The following USP28 variants were observed in gnomAD, a reference collection of about 807,000 sequenced individuals.
The protein encoded by USP28 is ubiquitin specific peptidase 28.
USP28 carries 113 observed loss-of-function variants against 145.0 expected under a neutral mutation model. That is an observed-to-expected ratio of 0.78 (90% CI 0.67 to 0.91). The LOEUF is 0.91. USP28 is among the 40% of genes least tolerant of loss of function. The pLI, the probability that USP28 is intolerant of heterozygous loss-of-function variation, is 0.00. For synonymous variants in USP28, 447 were observed against 450.9 expected, an observed-to-expected ratio of 0.99 and a Z score of 0.11; for missense variants, 1,201 against 1,289.6, an observed-to-expected ratio of 0.93 and a Z score of 1.05.
intron 5 of USP28, among the ~76,000 whole-genome samples, chr11:113,838,287 A>G (rs1944806869): frequency 6.6e-6 from 1 of 152,202 alleles, no homozygotes; most frequent in African/African-American, 2.4e-5. Context: ...AAGAACTGAC[A>G]TGTTCCACAT....
chr11:113,822,151 G>A (rs1942699917), intron 12 of USP28, among the ~76,000 whole-genome samples: 1 of 152,062 alleles, frequency 6.6e-6, no homozygotes, highest in Non-Finnish European at 1.5e-5. Context: ...GGTCTCTTAT[G>A]TTGTTGTGAA....
chr11:113,832,149 G>A (rs945635932), intron 7 of USP28, among the ~76,000 whole-genome samples, 156 bp from the exon 8 acceptor site: 3 of 151,452 alleles, frequency 2.0e-5, no homozygotes, highest in African/African-American at 4.9e-5. Flanking sequence ...TCACTCTGTC[G>A]CCCAGACTGG....
At chr11:113,802,697 T>TA (rs1022421587) in intron 23 of USP28, among the ~76,000 whole-genome samples, 5 of 152,066 alleles carry the variant, frequency 3.3e-5, no homozygotes, top group African/African-American at 9.7e-5. Context: ...ACCTTTATTT[T>TA]AAAAAAATGG....
intron 1 of USP28, among the ~76,000 whole-genome samples, chr11:113,869,032 T>C (rs892510976): frequency 3.9e-5 from 6 of 152,004 alleles, no homozygotes; most frequent in Non-Finnish European, 7.4e-5. Flanking sequence ...CGGTGGCTCA[T>C]GCCTGTAATC....
intron 1 of USP28, among the ~76,000 whole-genome samples, chr11:113,858,662 C>T (rs949219464): frequency 6.6e-6 from 1 of 152,120 alleles, no homozygotes; most frequent in Non-Finnish European, 1.5e-5. Flanking sequence ...CAGGCTGGAG[C>T]GCAGCGGCGC....
intron 21 of USP28, 30 bp from the exon 23 acceptor site, chr11:113,803,907 A>G: frequency 6.3e-7 from 1 of 1,575,832 alleles, no homozygotes; most frequent in East Asian, 2.2e-5. Context: ...ATTAATAATC[A>G]TGATCATAAT....
At chr11:113,837,536 T>C (rs1331864265) in intron 5 of USP28, among the ~76,000 whole-genome samples, 1 of 152,232 alleles carries the variant, frequency 6.6e-6, no homozygotes, top group Non-Finnish European at 1.5e-5. Context: ...TCCAATTACC[T>C]GCAGGATATC....
chr11:113,803,460 T>C (rs1939408080), intron 22 of USP28, among the ~76,000 whole-genome samples, 179 bp from the exon 24 acceptor site: 1 of 152,178 alleles, frequency 6.6e-6, no homozygotes, highest in African/African-American at 2.4e-5. Flanking sequence ...AAAGCAAATA[T>C]GAAACTTCCC....
In USP28 at chr11:113,835,438, G is replaced by A. The variant is rs776857806; in HGVS notation, c.535-1103C>T. 223 of 440,898 alleles carry A rather than the reference G, an allele frequency of 5.1e-4. 1 individual carries two copies. The highest frequency in any genetic ancestry group is 2.0e-3 in the Middle Eastern group (6 of 2,940). 27.3% of individuals were successfully genotyped at this position (440,898 alleles called of 1,614,324 possible). A position where few individuals can be genotyped will look rare whatever the true frequency, so the allele number is the denominator to read the frequency against. ...ATGTCAACCAAAGAATCCAAGTGTC[G>A]GTACTGACTAGAGCCCACGTGCACC... On this transcript the variant is annotated intron_variant, in intron 5 of 24. Coordinates refer to ENST00000003302, the Ensembl canonical transcript of USP28.
intron 5 of USP28, among the ~76,000 whole-genome samples, chr11:113,838,322 C>T (rs1944811676): frequency 6.6e-6 from 1 of 152,206 alleles, no homozygotes; most frequent in Admixed American, 6.5e-5. Context: ...CTATTCTCAA[C>T]ACAGATGCCA....
chr11:113,806,612 G>C, intron 18 of USP28, 28 bp from the exon 20 acceptor site: 1 of 1,457,532 alleles, frequency 6.9e-7, no homozygotes, highest in Non-Finnish European at 9.3e-7. Context: ...AAAACACAGA[G>C]AGAAAGGAGA....
intron 1 of USP28, among the ~76,000 whole-genome samples, chr11:113,861,865 C>A (rs910979512): frequency 1.3e-4 from 20 of 152,168 alleles, no homozygotes; most frequent in African/African-American, 4.8e-4. Context: ...ATATCGAACA[C>A]ATCTCCAAAA....
chr11:113,802,632 A>C (rs1036849933), intron 23 of USP28, among the ~76,000 whole-genome samples: 1 of 152,224 alleles, frequency 6.6e-6, no homozygotes, highest in African/African-American at 2.4e-5. Context: ...GTTAGTCTTC[A>C]CTAGTATGTG....
intron 1 of USP28, among the ~76,000 whole-genome samples, chr11:113,865,247 G>A (rs1948141705): frequency 6.6e-6 from 1 of 152,108 alleles, no homozygotes; most frequent in South Asian, 2.1e-4. Context: ...TGTGGCTGGG[G>A]GTTGCGGGGA....
intron 21 of USP28, among the ~76,000 whole-genome samples, chr11:113,804,373 C>T (rs1939574165): frequency 2.0e-5 from 3 of 152,140 alleles, no homozygotes; most frequent in South Asian, 2.1e-4. Flanking sequence ...ATTTTTAAAA[C>T]TTTATCATTT....
chr11:113,859,534 T>A (rs555216431), intron 1 of USP28: 234 of 152,178 alleles, frequency 1.5e-3, no homozygotes, highest in African/African-American at 5.0e-3. Flanking sequence ...TGCTATGACA[T>A]GACCCAGTCT....
At chr11:113,859,518 T>C (rs1013440747) in intron 1 of USP28, 1 of 152,058 alleles carries the variant, frequency 6.6e-6, no homozygotes, top group Non-Finnish European at 1.5e-5. Flanking sequence ...TATATACATA[T>C]ACAAATGCTA....
chr11:113,827,462 T>C, intron 10 of USP28, 102 bp from the exon 11 acceptor site: 5 of 1,281,150 alleles, frequency 3.9e-6, no homozygotes, highest in Non-Finnish European at 5.2e-6. Flanking sequence ...TCCTTTGGTA[T>C]AGAACTTATA....
At chr11:113,860,366 G>A (rs1377188523) in intron 1 of USP28, among the ~76,000 whole-genome samples, 1 of 150,534 alleles carries the variant, frequency 6.6e-6, no homozygotes, top group Admixed American at 6.6e-5. Context: ...CTACCAAGGT[G>A]TGCCTAATAA....
Sources: gnomAD v4.1 joint callset for allele counts (sites outside exome capture counted in the v4.1 genomes callset) on GRCh38, gnomAD v4.1.1 for gene constraint, MANE v1.5 for transcripts, NCBI Gene and HGNC (gene_info 2026-07-23, HGNC 2026-07-21) for gene names.